GLB1L3: variants seen among roughly 807,000 people sequenced by gnomAD.
GLB1L3 encodes galactosidase beta 1 like 3, also known as beta-galactosidase-1-like protein 3.
In GLB1L3, 89 loss-of-function variants were observed where a neutral mutation model predicts 89.5. That is an observed-to-expected ratio of 0.99 (90% confidence interval 0.84 to 1.19). The LOEUF (loss-of-function observed/expected upper bound fraction) is 1.19, where lower values mean the gene tolerates loss of function less well. Among genes scored for constraint, GLB1L3 ranks in the 50% most tolerant of loss-of-function variants. GLB1L3 has a pLI of 0.00. For synonymous variants in GLB1L3, 314 were observed against 312.3 expected, an observed-to-expected ratio of 1.01 and a Z score of -0.06; for missense variants, 812 against 813.3, an observed-to-expected ratio of 1.00 and a Z score of 0.02.
chr11:134,308,589 T>C (rs1170118843), intron 10 of GLB1L3, among the ~76,000 whole-genome samples: 178 of 110,866 alleles, frequency 1.6e-3, no homozygotes, highest in African/African-American at 5.0e-3. Context: ...ATCACCATCA[T>C]CACCATCACC....
rs1565412511 is a variant in GLB1L3 at position 134,308,226 on chromosome 11, C to CCAT, written c.961+1020_961+1021insTCA. Among the ~76,000 whole-genome samples the CCAT allele has an allele frequency of 1.2e-3, 34 of 27,784 alleles. 4 individuals carry two copies. Among genetic ancestry groups the CCAT allele is most frequent in the Middle Eastern group, 0.016 (1 of 64 alleles). The allele number at this position is 27,784 out of a possible 152,430, so 18.2% of individuals were successfully genotyped here. On this transcript the variant is annotated intron_variant, in intron 10 of 19. Coordinates refer to ENST00000431683, the MANE Select transcript of GLB1L3 (RefSeq NM_001080407.3). ...ACTACCACCACCACCATCACCATCACCACCACCACCATCACCATCACCACC... is the reference window on the plus strand; with the variant it reads ...ACTACCACCACCACCATCACCATCACCATCACCACCACCATCACCATCACCACC...
chr11:134,301,482 C>T (rs1342865470), intron 9 of GLB1L3, among the ~76,000 whole-genome samples: 1 of 152,128 alleles, frequency 6.6e-6, no homozygotes, highest in Non-Finnish European at 1.5e-5. Flanking sequence ...CTTTCCTTTT[C>T]ATTTCTGATC....
intron 9 of GLB1L3, among the ~76,000 whole-genome samples, chr11:134,294,485 G>A (rs1211946824): frequency 2.0e-5 from 3 of 152,102 alleles, no homozygotes; most frequent in Non-Finnish European, 2.9e-5. Context: ...CTTCCTTTTT[G>A]TTCTTTTTTT....
At chr11:134,290,610 G>A (rs11500922) in intron 7 of GLB1L3, among the ~76,000 whole-genome samples, 6 of 140,484 alleles carry the variant, frequency 4.3e-5, no homozygotes, top group Non-Finnish European at 6.0e-5. Flanking sequence ...AAAAGAAAAA[G>A]AAAAAAAAAC....
intron 10 of GLB1L3, among the ~76,000 whole-genome samples, chr11:134,308,122 T>TCA (rs1340680927): frequency 3.5e-5 from 3 of 85,156 alleles, no homozygotes; most frequent in African/African-American, 1.1e-4. Context: ...ACCACCACCA[T>TCA]CATCACATCA....
chr11:134,312,792 C>G lies in GLB1L3; in HGVS notation c.1429-24C>G, dbSNP rs372356529. The G allele has an allele frequency of 1.2e-5, 19 of 1,597,614 alleles. No homozygotes were observed. The African/African-American group carries it at 2.3e-4, about 19-fold the overall frequency. Reference sequence around the variant, plus strand: ...CCTTTCTTCGGGTGGGCCTAGCAGTCTGACGCCGGCTCTTCTTTTGCAGGT... The same window carrying G: ...CCTTTCTTCGGGTGGGCCTAGCAGTGTGACGCCGGCTCTTCTTTTGCAGGT... On this transcript the variant is annotated intron_variant, in intron 14 of 19. Coordinates refer to ENST00000431683, the MANE Select transcript of GLB1L3 (RefSeq NM_001080407.3).
Position 134,295,647 on chromosome 11 carries a change from T to C in GLB1L3, c.876+2438T>C, listed in dbSNP as rs191044108. On this transcript the variant is annotated intron_variant, in intron 9 of 19. Transcript: ENST00000431683. ...TGAACTTTTAGCATTTTCTCCCTTC[T>C]GCTGCCTTCAGATTGCATTTGTTCT... 2.0e-4 allele frequency among the ~76,000 whole-genome samples: 30 copies of C among 152,340 alleles called. No individual in the cohort carries two copies. The East Asian group carries it at 5.6e-3, about 28-fold the overall frequency.
At chr11:134,312,055 C>T in intron 13 of GLB1L3, 1 of 271,870 alleles carries the variant, frequency 3.7e-6, no homozygotes, top group South Asian at 1.0e-4. Flanking sequence ...CTGCGGCCTC[C>T]CAAAGTGCTG....
At chr11:134,279,364 C>CTTTTTTTTTTTTTT (rs10577769) in intron 3 of GLB1L3, among the ~76,000 whole-genome samples, 15 of 108,332 alleles carry the variant, frequency 1.4e-4, no homozygotes, top group African/African-American at 2.0e-4. Flanking sequence ...TTTTCTTTTT[C>CTTTTTTTTTTTTTT]TTTTTTTTTT....
chr11:134,305,011 G>A, intron 9 of GLB1L3: 3 of 1,309,254 alleles, frequency 2.3e-6, no homozygotes, highest in Non-Finnish European at 3.1e-6. Context: ...CGCTAACAAT[G>A]TATCTTAGTG....
the GLB1L3 span, among the ~76,000 whole-genome samples, chr11:134,325,136 A>C: frequency 6.6e-6 from 1 of 152,196 alleles, no homozygotes; most frequent in African/African-American, 2.4e-5. Flanking sequence ...ACATTAAATC[A>C]ACAGTTTTTA....
chr11:134,294,270 G>A (rs1306639294), intron 9 of GLB1L3, among the ~76,000 whole-genome samples: 1 of 152,072 alleles, frequency 6.6e-6, no homozygotes, highest in East Asian at 1.9e-4. Flanking sequence ...GTTTCACCAC[G>A]TTGGCCAGGT....
Position 134,311,175 on chromosome 11 carries a change from G to T in GLB1L3, c.1287+5G>T, listed in dbSNP as rs1178998050. 6.2e-7 allele frequency: 1 copy of T among 1,607,738 alleles called. No homozygotes were observed. Among genetic ancestry groups the T allele is most frequent in the Non-Finnish European group, 8.5e-7 (1 of 1,174,306 alleles). Reference sequence around the variant, plus strand: ...GCCCTATCCTACTTAAATGAGGTGCGTGCTGCCTGGCCACAGGAGGCGGAG... The same window carrying T: ...GCCCTATCCTACTTAAATGAGGTGCTTGCTGCCTGGCCACAGGAGGCGGAG... On this transcript the variant is annotated splice_donor_5th_base_variant and intron_variant, in intron 13 of 19. Transcript: ENST00000431683.
intron 18 of GLB1L3, among the ~76,000 whole-genome samples, chr11:134,315,885 A>G (rs1942956500): frequency 6.6e-6 from 1 of 152,070 alleles, no homozygotes; most frequent in African/African-American, 2.4e-5. Flanking sequence ...ATGGACTTTC[A>G]GTCTTTGTTC....
At chr11:134,324,165 T>TA (rs1400826071), downstream of GLB1L3, among the ~76,000 whole-genome samples, 3 of 152,230 alleles carry the variant, frequency 2.0e-5, no homozygotes, top group African/African-American at 2.4e-5. Context: ...GAAGAATTGT[T>TA]AAAGTTTTCG....
At chr11:134,293,115 C>T (rs766811217) in intron 8 of GLB1L3, 30 bp from the exon 9 acceptor site, 4 of 1,602,296 alleles carry the variant, frequency 2.5e-6, no homozygotes, top group Admixed American at 3.3e-5. Context: ...TGTCTCATGC[C>T]TCAGCTGGGT....
intron 5 of GLB1L3, 85 bp from the exon 6 acceptor site, chr11:134,283,652 C>A: frequency 1.4e-6 from 1 of 705,926 alleles, no homozygotes; most frequent in Non-Finnish European, 2.4e-6. Flanking sequence ...GGCAGATGTG[C>A]GGCGAGCCGG....
intron 3 of GLB1L3, among the ~76,000 whole-genome samples, chr11:134,279,399 C>T (rs1940563575): frequency 8.3e-6 from 1 of 119,784 alleles, no homozygotes; most frequent in South Asian, 2.6e-4. Flanking sequence ...TAGAGTCTTG[C>T]TCTGTTGCCC....
chr11:134,289,074 C>G (rs1591545306), intron 7 of GLB1L3, 184 bp downstream of exon 7: 5 of 516,558 alleles, frequency 9.7e-6, no homozygotes. Context: ...TAACTTTTGA[C>G]TCCCTCAAAA....
Sources: gnomAD v4.1 joint callset for allele counts (sites outside exome capture counted in the v4.1 genomes callset) on GRCh38, gnomAD v4.1.1 for gene constraint, MANE v1.5 for transcripts, NCBI Gene and HGNC (gene_info 2026-07-23, HGNC 2026-07-21) for gene names.